The following PDE1C variants were observed in gnomAD, a reference collection of about 807,000 sequenced individuals.
The protein encoded by PDE1C is phosphodiesterase 1C, also known as dual specificity calcium/calmodulin-dependent 3',5'-cyclic nucleotide phosphodiesterase 1C.
In PDE1C, 62 loss-of-function variants were observed where a neutral mutation model predicts 93.1. That is an observed-to-expected ratio of 0.67 (90% CI 0.54 to 0.82). The LOEUF (loss-of-function observed/expected upper bound fraction) is 0.82. Among genes scored for constraint, PDE1C ranks in the 40% least tolerant of loss-of-function variants. The pLI is 0.00. For synonymous variants in PDE1C, 325 were observed against 310.1 expected (o/e 1.05, Z -0.50); for missense variants, 742 against 884.6 (o/e 0.84, Z 2.04).
chr7:32,038,927 C>T (rs1302023860), intron 2 of PDE1C, among the ~76,000 whole-genome samples: 1 of 152,138 alleles, frequency 6.6e-6, no homozygotes, highest in African/African-American at 2.4e-5. Flanking sequence ...CAAAATCATG[C>T]TCCCAGAACA....
chr7:32,097,751 C>T (rs1358155260), intron 3 of PDE1C, among the ~76,000 whole-genome samples: 2 of 152,174 alleles, frequency 1.3e-5, no homozygotes, highest in Non-Finnish European at 2.9e-5. Context: ...AACTGAGACT[C>T]ACACTGGGAA....
At position 31,806,312 on chromosome 7, in the gene PDE1C, A is replaced by G. The variant is rs189231790; in HGVS notation, c.1891+2719T>C. ...AGCTATAATAAATTATGGCAAGTCCATGAGGCTATGTTATTACAAACATGA... is the reference window on the plus strand; with the variant it reads ...AGCTATAATAAATTATGGCAAGTCCGTGAGGCTATGTTATTACAAACATGA... On this transcript the variant is annotated intron_variant, in intron 16 of 17. Coordinates refer to ENST00000396191, the MANE Select transcript of PDE1C (RefSeq NM_001191057.4). 2.2e-4 allele frequency among the ~76,000 whole-genome samples: 33 copies of G among 152,134 alleles called. 2 individuals are homozygous for G. Among genetic ancestry groups the G allele is most frequent in the Admixed American group, 2.0e-3 (30 of 15,256 alleles).
chr7:31,869,350 AC>A (rs936543148), intron 6 of PDE1C, among the ~76,000 whole-genome samples: 2 of 152,238 alleles, frequency 1.3e-5, no homozygotes, highest in African/African-American at 4.8e-5. Flanking sequence ...TAAATCCATG[AC>A]CCAACTATAT....
chr7:31,815,932 T>G lies in PDE1C; in HGVS notation c.1805A>C (p.Gln602Pro), dbSNP rs753232495. 6.2e-7 allele frequency: 1 copy of G among 1,608,666 alleles called. No individual in the cohort carries two copies. The highest frequency in any genetic ancestry group is 8.5e-7 in the Non-Finnish European group (1 of 1,175,014). ...SKAEKSSGEQ[Q>P]QNGDFKDGKN... ...AGTGTAAGTCTACTCACCATTCTGT[T>G]GCTGTTCTCCTGATGACTTCTCGGC... The change falls in exon 15 of 18, where the codon CAA (glutamine) becomes CCA (proline). Residue 602 changes from glutamine to proline, a missense_variant. By Grantham distance (76) the Gln-to-Pro change is moderately conservative. Transcript: ENST00000396191.
chr7:31,766,300 C>T (rs563447089), intron 17 of PDE1C, among the ~76,000 whole-genome samples: 236 of 151,628 alleles, frequency 1.6e-3, no homozygotes, highest in African/African-American at 5.3e-3. Context: ...AGGAGAATGG[C>T]GTGAACCTGG....
chr7:32,218,273 G>A (rs548620599), intron 1 of PDE1C, among the ~76,000 whole-genome samples: 12 of 152,268 alleles, frequency 7.9e-5, no homozygotes, highest in East Asian at 3.9e-4. Context: ...TATGCCTTCC[G>A]GGCCAATTTG....
chr7:32,370,781 TATA>T (rs924386876), intron 1 of PDE1C, among the ~76,000 whole-genome samples: 7 of 80,960 alleles, frequency 8.6e-5, no homozygotes, highest in Non-Finnish European at 1.0e-4. Flanking sequence ...GAACTTAAAG[TATA>T]ATAATAAATA....
At chr7:31,810,718 T>C (rs1787439510) in intron 15 of PDE1C, among the ~76,000 whole-genome samples, 2 of 152,068 alleles carry the variant, frequency 1.3e-5, no homozygotes, top group Admixed American at 6.6e-5. Flanking sequence ...GCCACAACCA[T>C]GCACCTGGAT....
the PDE1C span, among the ~76,000 whole-genome samples, chr7:31,683,412 T>A: frequency 9.6e-6 from 1 of 104,392 alleles, no homozygotes; most frequent in East Asian, 3.2e-4. Context: ...ATCTGAAAGA[T>A]TAAATATTTT....
chr7:31,966,778 T>C (rs57743385), intron 2 of PDE1C, among the ~76,000 whole-genome samples: 2,695 of 152,220 alleles, frequency 0.018, 80 homozygotes, highest in African/African-American at 0.061. Context: ...CACAGTGCAA[T>C]CAAACTAGAA....
At chr7:32,189,760 A>G (rs1370146833) in intron 2 of PDE1C, among the ~76,000 whole-genome samples, 1 of 152,206 alleles carries the variant, frequency 6.6e-6, no homozygotes, top group Non-Finnish European at 1.5e-5. Context: ...TTCCAGAAAA[A>G]ATAGAGGCTT....
chr7:31,652,891 A>T, the PDE1C span: 2 of 1,555,560 alleles, frequency 1.3e-6, no homozygotes, highest in African/African-American at 2.7e-5. Context: ...TGTAGCAAGG[A>T]AATTTCAATT....
chr7:32,415,436 G>A (rs905298811), intron 1 of PDE1C, among the ~76,000 whole-genome samples: 7 of 152,116 alleles, frequency 4.6e-5, no homozygotes, highest in Non-Finnish European at 7.3e-5. Flanking sequence ...GGGCAACAGA[G>A]CAAGACTCCG....
Position 31,935,489 on chromosome 7 carries a change from C to T in PDE1C, c.129-54629G>A, listed in dbSNP as rs186789824. ...CCTGAAAGGAAAACCTATAAATAAG[C>T]TCTCAGGACAAATAAAAATCCATCA... On this transcript the variant is annotated intron_variant, in intron 2 of 17. Transcript: ENST00000396191. 2.9e-3 allele frequency among the ~76,000 whole-genome samples: 440 copies of T among 152,182 alleles called. 2 individuals carry two copies. Among genetic ancestry groups the T allele is most frequent in the South Asian group, 0.02 (98 of 4,810 alleles).
intron 2 of PDE1C, among the ~76,000 whole-genome samples, chr7:32,010,226 C>A (rs1260755160): frequency 2.0e-5 from 3 of 152,096 alleles, no homozygotes; most frequent in African/African-American, 7.2e-5. Flanking sequence ...GGAACTAAAA[C>A]AATCTGATAT....
intron 6 of PDE1C, among the ~76,000 whole-genome samples, chr7:31,872,735 G>C (rs946577597): frequency 6.6e-6 from 1 of 152,128 alleles, no homozygotes; most frequent in Non-Finnish European, 1.5e-5. Flanking sequence ...AGAGTCTACA[G>C]TATTAGAAGG....
intron 1 of PDE1C, among the ~76,000 whole-genome samples, chr7:32,418,716 C>T (rs1321136603): frequency 3.3e-5 from 5 of 152,026 alleles, no homozygotes; most frequent in Non-Finnish European, 1.5e-5. Context: ...ATTAGGGTGT[C>T]AAAATCCAGG....
intron 2 of PDE1C, among the ~76,000 whole-genome samples, chr7:32,000,133 C>T (rs760879308): frequency 4.6e-5 from 7 of 152,134 alleles, no homozygotes; most frequent in African/African-American, 7.2e-5. Context: ...TGGTGACGTC[C>T]GGCAGTATAA....
At chr7:31,982,549 C>CT (rs201433915) in intron 2 of PDE1C, among the ~76,000 whole-genome samples, 3,196 of 150,736 alleles carry the variant, frequency 0.021, 39 homozygotes, top group Non-Finnish European at 0.022. Context: ...TTAATTTCCT[C>CT]TTTTTTTTTA....
Sources: gnomAD v4.1 joint callset for allele counts (sites outside exome capture counted in the v4.1 genomes callset) on GRCh38, gnomAD v4.1.1 for gene constraint, MANE v1.5 for transcripts, NCBI Gene and HGNC (gene_info 2026-07-23, HGNC 2026-07-21) for gene names.